NFIB: variants seen among roughly 807,000 people sequenced by gnomAD.
NFIB encodes nuclear factor 1 B-type.
A neutral mutation model predicts 61.5 loss-of-function variants in NFIB; 11 were observed. The observed-to-expected ratio is 0.18, with a 90% CI of 0.11 to 0.30. The LOEUF is 0.30. NFIB is among the 10% of genes least tolerant of loss of function. The pLI is 1.00. For synonymous variants in NFIB, 260 were observed against 216.5 expected (o/e 1.20, Z -1.76); for missense variants, 471 against 608.9 (o/e 0.77, Z 2.38).
chr9:14,307,529 G>A lies in NFIB; in HGVS notation c.31-9C>T. On this transcript the variant is annotated splice_polypyrimidine_tract_variant and intron_variant, in intron 1 of 10. Coordinates refer to ENST00000380953, the MANE Select transcript of NFIB (RefSeq NM_001190737.2). The surrounding 1 kb of genome is among the most constrained non-coding windows in gnomAD (Gnocchi z 5.3). ...AATGGGTGAAATTCATCCTGTGGAA[G>A]ACAGAGGGGTGAGGAAAAGATGTGC... The A allele has an allele frequency of 6.3e-7, 1 of 1,575,574 alleles. No homozygotes were observed. Among genetic ancestry groups the A allele is most frequent in the Non-Finnish European group, 8.6e-7 (1 of 1,159,844 alleles).
At chr9:14,237,763 A>AGT (rs71321971) in intron 2 of NFIB, among the ~76,000 whole-genome samples, 1,469 of 85,062 alleles carry the variant, frequency 0.017, 160 homozygotes, top group East Asian at 0.034. Flanking sequence ...TAGGTATAAC[A>AGT]GTGTGTGTGT....
the NFIB span, among the ~76,000 whole-genome samples, chr9:14,468,130 A>G: frequency 6.6e-6 from 1 of 152,186 alleles, no homozygotes; most frequent in Non-Finnish European, 1.5e-5. Context: ...TAGAAAACCA[A>G]CCGATTTGAC....
chr9:14,216,546 C>CTGTGTGTG (rs372536644), intron 2 of NFIB, among the ~76,000 whole-genome samples: 13 of 21,554 alleles, frequency 6.0e-4, no homozygotes, highest in Admixed American at 2.5e-3. Context: ...CTCTCTCCCT[C>CTGTGTGTG]TGTGTGTGTG....
At chr9:14,255,050 C>T (rs1244152010) in intron 2 of NFIB, among the ~76,000 whole-genome samples, 2 of 151,990 alleles carry the variant, frequency 1.3e-5, no homozygotes, top group Non-Finnish European at 2.9e-5. Context: ...AGCAAGACCC[C>T]ATCTCTTCAA....
chr9:14,085,748 TA>T lies in NFIB; in HGVS notation c.*2560del, dbSNP rs2032774790. The T allele has an allele frequency of 4.6e-6, 1 of 218,980 alleles. No homozygotes were observed. 13.6% of individuals were successfully genotyped at this position (218,980 alleles called of 1,614,324 possible). ...TCCATTTGAAGTAGTAAGTCACAGG[TA>T]AATCATATCCTATCATTAATGAAAT... is the stretch of plus-strand genomic sequence containing the variant. On this transcript the variant is annotated 3_prime_UTR_variant, in exon 11 of 11. Coordinates refer to ENST00000380953, the MANE Select transcript of NFIB (RefSeq NM_001190737.2).
At chr9:14,222,117 G>A (rs2051744913) in intron 2 of NFIB, among the ~76,000 whole-genome samples, 1 of 152,158 alleles carries the variant, frequency 6.6e-6, no homozygotes, top group African/African-American at 2.4e-5. Flanking sequence ...TTTTGATATT[G>A]CAAAGACTTC....
chr9:14,179,003 A>C (rs2046462683), intron 3 of NFIB, among the ~76,000 whole-genome samples: 1 of 152,094 alleles, frequency 6.6e-6, no homozygotes, highest in Non-Finnish European at 1.5e-5. Context: ...TCTTTTACTA[A>C]AGTCACCAAT....
At chr9:14,309,580 A>G (rs1054975903) in intron 1 of NFIB, among the ~76,000 whole-genome samples, 3 of 152,234 alleles carry the variant, frequency 2.0e-5, no homozygotes, top group African/African-American at 7.2e-5. Flanking sequence ...CCATGGAAAG[A>G]GTTAAACCAC....
rs200993257 is a variant in NFIB at position 14,220,853 on chromosome 9, A to C, written c.563-41073T>G. 4.9e-5 allele frequency among the ~76,000 whole-genome samples: 7 copies of C among 142,412 alleles called. No individual in the cohort carries two copies. In the East Asian group the frequency reaches 2.0e-3, roughly 42 times the overall value. The allele number at this position is 142,412 out of a possible 152,430, so 93.4% of individuals were successfully genotyped here. A position where few individuals can be genotyped will look rare whatever the true frequency, so the allele number is the denominator to read the frequency against. On this transcript the variant is annotated intron_variant, in intron 2 of 10. Transcript: ENST00000380953. ...GAAATCAATCTCCCTACACACACAC[A>C]CACACACACACACACACACACACAC...
chr9:14,142,820 A>C (rs913302275), intron 6 of NFIB, among the ~76,000 whole-genome samples: 22 of 152,166 alleles, frequency 1.4e-4, no homozygotes, highest in African/African-American at 5.1e-4. Flanking sequence ...ATAGAGAGAG[A>C]AGCAGTCAGG....
At chr9:14,204,053 T>C (rs535814754) in intron 2 of NFIB, among the ~76,000 whole-genome samples, 23 of 152,174 alleles carry the variant, frequency 1.5e-4, no homozygotes, top group African/African-American at 5.1e-4. Context: ...AAACTTATAA[T>C]CTCTATCAAA....
chr9:14,241,443 G>C (rs1252586291), intron 2 of NFIB, among the ~76,000 whole-genome samples: 3 of 152,036 alleles, frequency 2.0e-5, no homozygotes, highest in Non-Finnish European at 4.4e-5. Flanking sequence ...AATTTTCCTA[G>C]GGCACGTAAG....
chr9:14,339,320 A>C (rs2132869896), intron 1 of NFIB, among the ~76,000 whole-genome samples: 1 of 152,334 alleles, frequency 6.6e-6, no homozygotes, highest in Middle Eastern at 3.4e-3. Flanking sequence ...ACATCCCAGT[A>C]TGTGCAACGG....
At chr9:14,478,643 G>A in the NFIB span, among the ~76,000 whole-genome samples, 2 of 152,146 alleles carry the variant, frequency 1.3e-5, no homozygotes, top group African/African-American at 4.8e-5. Context: ...TAACATTTCA[G>A]GGAACTTAAA....
rs151152321 is a variant in NFIB, at chr9:14,276,163, A to C, written c.562+30826T>G. ...GGTATGAGGTGGTGAATCAAGCACA[A>C]ATTTTCTTTGGACTTAAAACATTTA... On this transcript the variant is annotated intron_variant, in intron 2 of 10. Coordinates refer to ENST00000380953, the MANE Select transcript of NFIB (RefSeq NM_001190737.2). 6.7e-3 allele frequency among the ~76,000 whole-genome samples: 1,027 copies of C among 152,244 alleles called. 14 individuals carry two copies. Among genetic ancestry groups the C allele is most frequent in the African/African-American group, 0.023 (957 of 41,554 alleles).
chr9:14,355,792 TA>T (rs1396688333), intron 1 of NFIB, among the ~76,000 whole-genome samples: 1 of 152,116 alleles, frequency 6.6e-6, no homozygotes, highest in African/African-American at 2.4e-5. Flanking sequence ...CTGTCTCTAC[TA>T]AAAATACAAA....
chr9:14,456,904 T>C, the NFIB span, among the ~76,000 whole-genome samples: 2 of 152,180 alleles, frequency 1.3e-5, no homozygotes, highest in African/African-American at 4.8e-5. Context: ...TGCAGAATTG[T>C]TTGCAAAATC....
At chr9:14,408,640 G>A in the NFIB span, among the ~76,000 whole-genome samples, 6 of 152,152 alleles carry the variant, frequency 3.9e-5, no homozygotes, top group African/African-American at 1.4e-4. Flanking sequence ...TCTTTATTTT[G>A]AATGGTCATG....
At chr9:14,427,142 T>G in the NFIB span, among the ~76,000 whole-genome samples, 1 of 152,308 alleles carries the variant, frequency 6.6e-6, no homozygotes, top group East Asian at 1.9e-4. Flanking sequence ...TCATGATGGA[T>G]TGCAAGTGCC....
Sources: gnomAD v4.1 joint callset for allele counts (sites outside exome capture counted in the v4.1 genomes callset) on GRCh38, gnomAD v4.1.1 for gene constraint, Gnocchi (gnomAD v3.1) non-coding constraint, MANE v1.5 for transcripts, NCBI Gene and HGNC (gene_info 2026-07-23, HGNC 2026-07-21) for gene names.